The following ST18 variants were observed in gnomAD, a reference collection of about 807,000 sequenced individuals.
The protein encoded by ST18 is ST18 C2H2C-type zinc finger transcription factor, also known as suppression of tumorigenicity 18 protein.
ST18 carries 50 observed loss-of-function variants against 110.0 expected under a neutral mutation model. That is an observed-to-expected ratio of 0.45 (90% CI 0.36 to 0.58). The LOEUF (loss-of-function observed/expected upper bound fraction) is 0.58. Ranked by LOEUF, ST18 falls within the 20% of genes least tolerant of loss-of-function variation. The pLI is 0.00. For synonymous variants in ST18, 461 were observed against 452.4 expected, an observed-to-expected ratio of 1.02 and a Z score of -0.24; for missense variants, 1,306 against 1,280.1, an observed-to-expected ratio of 1.02 and a Z score of -0.31.
chr8:52,160,251 T>G (rs1214267619), intron 14 of ST18, among the ~76,000 whole-genome samples: 1 of 152,226 alleles, frequency 6.6e-6, no homozygotes, highest in Non-Finnish European at 1.5e-5. Context: ...ACTGTGTGTG[T>G]ACAACTTTTC....
In ST18 at chr8:52,133,263, G is replaced by C. The variant is rs759473747; in HGVS notation, c.2339C>G (p.Thr780Ser). Residue 780 changes from threonine (T) to serine (S), a missense_variant, in exon 20 of 26, where the codon ACT (threonine) becomes AGT (serine). By Grantham distance (58) the Thr-to-Ser change is moderately conservative (BLOSUM62 1). Coordinates refer to ENST00000689386, the MANE Select transcript of ST18 (RefSeq NM_001352837.2). Reference protein sequence around the residue: ...TPGCDGSGHVTGNYASHRSLS... With the variant: ...TPGCDGSGHVSGNYASHRSLS... ...CCTTCTGTGGGAAGCATAGTTTCCA[G>C]TCACGTGCCCCGAGCCATCGCAGCC... 1.2e-6 allele frequency: 2 copies of C among 1,614,046 alleles called. No homozygotes were observed. Among genetic ancestry groups the C allele is most frequent in the Non-Finnish European group, 1.7e-6 (2 of 1,180,030 alleles).
At chr8:52,377,158 G>C (rs913233312) in intron 2 of ST18, among the ~76,000 whole-genome samples, 9 of 152,134 alleles carry the variant, frequency 5.9e-5, no homozygotes, top group African/African-American at 1.9e-4. Flanking sequence ...ACAATGTATT[G>C]CTGTAGACAA....
intron 24 of ST18, among the ~76,000 whole-genome samples, chr8:52,116,834 G>C (rs1004989652): frequency 6.6e-6 from 1 of 151,966 alleles, no homozygotes; most frequent in African/African-American, 2.4e-5. Context: ...AAAATATCCA[G>C]GATGGGACCA....
chr8:52,257,672 T>C (rs1373890028), intron 2 of ST18, among the ~76,000 whole-genome samples: 1 of 152,222 alleles, frequency 6.6e-6, no homozygotes, highest in Non-Finnish European at 1.5e-5. Flanking sequence ...TCTTTCTATA[T>C]GTATTCTAGA....
chr8:52,379,663 A>G (rs924044681), intron 2 of ST18, among the ~76,000 whole-genome samples: 10 of 152,236 alleles, frequency 6.6e-5, no homozygotes, highest in African/African-American at 2.4e-4. Flanking sequence ...ATATGTAGAT[A>G]CTAGTCTATT....
At chr8:52,141,555 G>A (rs913787219) in intron 17 of ST18, among the ~76,000 whole-genome samples, 7 of 152,304 alleles carry the variant, frequency 4.6e-5, no homozygotes, top group East Asian at 3.9e-4. Flanking sequence ...AAAATAGAGA[G>A]TGGAGGGAAG....
chr8:52,325,108 C>G (rs906051072), intron 2 of ST18, among the ~76,000 whole-genome samples: 7 of 151,994 alleles, frequency 4.6e-5, no homozygotes, highest in Admixed American at 3.3e-4. Flanking sequence ...TTGCAATGTT[C>G]TGAGCAAATT....
intron 2 of ST18, among the ~76,000 whole-genome samples, chr8:52,307,801 CTT>C (rs2095839221): frequency 6.6e-6 from 1 of 152,148 alleles, no homozygotes; most frequent in South Asian, 2.1e-4. Flanking sequence ...TGCTGAAACT[CTT>C]TTCATGACTC....
intron 22 of ST18, among the ~76,000 whole-genome samples, chr8:52,130,242 T>C (rs117408105): frequency 0.044 from 6,660 of 152,322 alleles, 179 homozygotes; most frequent in Middle Eastern, 0.071. Flanking sequence ...TTTGTTATTA[T>C]GAAATACATA....
chr8:52,315,564 CTAT>C (rs1342736482), intron 2 of ST18, among the ~76,000 whole-genome samples: 1 of 152,172 alleles, frequency 6.6e-6, no homozygotes, highest in Non-Finnish European at 1.5e-5. Context: ...AATTTACTTA[CTAT>C]TATTGTATTT....
In ST18 at chr8:52,172,029, C is replaced by A. The variant is rs374934657; in HGVS notation, c.832G>T (p.Val278Phe). 1 of 1,614,230 alleles carries A rather than the reference C, an allele frequency of 6.2e-7. No individual in the cohort carries two copies. Among genetic ancestry groups the A allele is most frequent in the African/African-American group, 1.3e-5 (1 of 75,062 alleles). The stretch of plus-strand genomic sequence containing the variant: ...AGGCTCTCGCTATCTTCCTCCTCAA[C>A]GTCAGGGAATGAGGGCTGGGCATTG... ...DGNAQPSFPDVEEEDSESLAV... is the reference protein window; with the variant it reads ...DGNAQPSFPDFEEEDSESLAV... The change falls in exon 10 of 26, where the codon GTT (valine) becomes TTT (phenylalanine). Residue 278 changes from valine to phenylalanine, a missense_variant. Transcript: ENST00000689386.
intron 8 of ST18, among the ~76,000 whole-genome samples, chr8:52,190,137 A>G (rs1588085283): frequency 6.6e-6 from 1 of 152,330 alleles, no homozygotes; most frequent in East Asian, 1.9e-4. Context: ...AGGTGCATTC[A>G]AAACTTTGTT....
chr8:52,404,209 T>A (rs979372863), intron 2 of ST18: 1 of 152,206 alleles, frequency 6.6e-6, no homozygotes, highest in East Asian at 1.9e-4. Context: ...ATTAACCACA[T>A]TAGAAAAAGA....
intron 6 of ST18, among the ~76,000 whole-genome samples, chr8:52,217,149 GT>G (rs369972214): frequency 3.9e-5 from 6 of 152,176 alleles, no homozygotes; most frequent in African/African-American, 1.4e-4. Flanking sequence ...TGAGTCCTTT[GT>G]TTTCTCAAAA....
chr8:52,318,113 A>G (rs2139844048), intron 2 of ST18, among the ~76,000 whole-genome samples: 1 of 152,328 alleles, frequency 6.6e-6, no homozygotes, highest in East Asian at 1.9e-4. Context: ...ATGGGAGAAA[A>G]TTGTTGCAAT....
At chr8:52,234,132 G>A (rs1490673551) in intron 2 of ST18, among the ~76,000 whole-genome samples, 4 of 152,102 alleles carry the variant, frequency 2.6e-5, no homozygotes, top group East Asian at 1.9e-4. Context: ...GCATGTGCAG[G>A]CATTTCCAAA....
intron 14 of ST18, 39 bp from the exon 15 acceptor site, chr8:52,159,148 G>T: frequency 6.4e-7 from 1 of 1,570,896 alleles, no homozygotes. Flanking sequence ...GCATGTACAT[G>T]GTTTTAGTCA....
At chr8:52,400,602 C>A (rs1219953684) in intron 2 of ST18, among the ~76,000 whole-genome samples, 1 of 151,744 alleles carries the variant, frequency 6.6e-6, no homozygotes, top group Non-Finnish European at 1.5e-5. Context: ...TAGTTTTTTG[C>A]TTTGTGTACC....
intron 2 of ST18, among the ~76,000 whole-genome samples, chr8:52,245,131 A>G (rs1056734500): frequency 6.6e-6 from 1 of 152,184 alleles, no homozygotes; most frequent in African/African-American, 2.4e-5. Context: ...AAGAAAATGT[A>G]AAAGAGGTAA....
Sources: gnomAD v4.1 joint callset for allele counts (sites outside exome capture counted in the v4.1 genomes callset) on GRCh38, gnomAD v4.1.1 for gene constraint, MANE v1.5 for transcripts, NCBI Gene and HGNC (gene_info 2026-07-23, HGNC 2026-07-21) for gene names.